CCNI: variants seen among roughly 807,000 people sequenced by gnomAD.
The protein encoded by CCNI is cyclin-I.
A neutral mutation model predicts 34.1 loss-of-function variants in CCNI; 14 were observed. The observed-to-expected ratio is 0.41, with a 90% CI of 0.27 to 0.64. The LOEUF (loss-of-function observed/expected upper bound fraction) is 0.64, where lower values mean the gene tolerates loss of function less well. CCNI is among the 30% of genes least tolerant of loss of function. The probability of loss-of-function intolerance (pLI) is 0.31; values close to 1 mark genes in which losing one functional copy is unlikely to be tolerated. For synonymous variants in CCNI, 154 were observed against 158.4 expected (o/e 0.97, Z 0.21); for missense variants, 385 against 440.5 (o/e 0.87, Z 1.13).
rs4252871 is a variant in CCNI at position 77,058,737 on chromosome 4, A to G, written c.115-102T>C. 0.015 allele frequency: 13,485 copies of G among 905,348 alleles called. 1,252 individuals are homozygous for G. The African/African-American group carries it at 0.2, about 13-fold the overall frequency. The allele number at this position is 905,348 out of a possible 1,614,324, so 56.1% of individuals were successfully genotyped here. ...AAAAGGTTAGGTAATACTACAAAAT[A>G]TATTTAAAAATGTTAAGGTTATTCA... On this transcript the variant is annotated intron_variant, in intron 2 of 6. Coordinates refer to ENST00000237654, the MANE Select transcript of CCNI (RefSeq NM_006835.3).
Position 77,048,434 on chromosome 4 carries a change from A to T in CCNI, c.919T>A (p.Tyr307Asn). ...CCACTGGCAGCTGGGAGATGATGGT[A>T]AAAGGCTGCTGTACCTCTGACTGGC... ...EVPVRGTAAF[Y>N]HHLPAASGCK... Residue 307 changes from tyrosine to asparagine, a missense_variant, in exon 7 of 7, where the codon TAC becomes AAC. Coordinates refer to ENST00000237654, the MANE Select transcript of CCNI (RefSeq NM_006835.3). 1.9e-6 allele frequency: 3 copies of T among 1,614,122 alleles called. No homozygotes were observed. The highest frequency in any genetic ancestry group is 2.5e-6 in the Non-Finnish European group (3 of 1,180,018).
At chr4:77,070,474 CTTTTTTTT>C (rs543086530) in intron 1 of CCNI, among the ~76,000 whole-genome samples, 2 of 119,168 alleles carry the variant, frequency 1.7e-5, no homozygotes. Flanking sequence ...TGGGTACTTT[CTTTTTTTT>C]TTTTTTTTTT....
At position 77,052,266 on chromosome 4, in the gene CCNI, C is replaced by T. The variant is rs1269388165; in HGVS notation, c.690+2884G>A. On this transcript the variant is annotated intron_variant, in intron 6 of 6. Transcript: ENST00000237654. The stretch of plus-strand genomic sequence containing the variant: ...CACTCAGGATAATGGCCTCCAGCTG[C>T]ATCCATGTTGCTGCAAAGGACATGA... 3.9e-5 allele frequency among the ~76,000 whole-genome samples: 6 copies of T among 152,130 alleles called. No homozygotes were observed. In the South Asian group the frequency reaches 1.0e-3, roughly 26 times the overall value.
intron 3 of CCNI, among the ~76,000 whole-genome samples, chr4:77,058,016 C>T (rs1456832435): frequency 2.6e-5 from 4 of 152,154 alleles, no homozygotes; most frequent in Non-Finnish European, 4.4e-5. Flanking sequence ...AAGAAAATTA[C>T]AGAATACTAT....
At chr4:77,066,766 A>G (rs1729063880) in intron 1 of CCNI, among the ~76,000 whole-genome samples, 2 of 152,230 alleles carry the variant, frequency 1.3e-5, no homozygotes, top group Non-Finnish European at 2.9e-5. Flanking sequence ...CTAATCAGAT[A>G]AGGACCACTA....
Position 77,055,953 on chromosome 4 carries a change from T to TA in CCNI, c.459+8dup, listed in dbSNP as rs1156573629. 2.5e-5 allele frequency: 40 copies of TA among 1,602,218 alleles called. No homozygotes were observed. The Admixed American group carries it at 6.9e-4, about 27-fold the overall frequency. Reference sequence around the variant, plus strand: ...AAATAAGAAACTAAAAGACTTCAGGTATATTTACAATATGAAGAAAATCCA... The same window carrying TA: ...AAATAAGAAACTAAAAGACTTCAGGTAATATTTACAATATGAAGAAAATCCA... On this transcript the variant is annotated intron_variant, in intron 5 of 6. Transcript: ENST00000237654.
At chr4:77,055,433 C>A in intron 5 of CCNI, 53 bp from the exon 6 acceptor site, 41 of 1,102,684 alleles carry the variant, frequency 3.7e-5, no homozygotes, top group Middle Eastern at 2.0e-4. Flanking sequence ...TGGGAAATTA[C>A]ATATAGAAAT....
intron 1 of CCNI, among the ~76,000 whole-genome samples, chr4:77,067,779 G>T (rs1424501956): frequency 7.8e-6 from 1 of 128,648 alleles, no homozygotes; most frequent in Non-Finnish European, 1.6e-5. Flanking sequence ...CACCGTGCAG[G>T]CTTCTAGGTT....
At chr4:77,072,288 A>C (rs1485870223) in intron 1 of CCNI, among the ~76,000 whole-genome samples, 1 of 151,956 alleles carries the variant, frequency 6.6e-6, no homozygotes, top group Non-Finnish European at 1.5e-5. Context: ...AACAAAGAAA[A>C]AGTAAAACGA....
intron 1 of CCNI, among the ~76,000 whole-genome samples, chr4:77,074,635 A>C (rs1427894559): frequency 1.3e-5 from 2 of 152,214 alleles, no homozygotes; most frequent in Non-Finnish European, 2.9e-5. Context: ...CAAGCCACTT[A>C]GGAGAATGCC....
chr4:77,073,331 G>A (rs1419656399), intron 1 of CCNI, among the ~76,000 whole-genome samples: 6 of 152,210 alleles, frequency 3.9e-5, no homozygotes, highest in Non-Finnish European at 8.8e-5. Flanking sequence ...AACTATTACA[G>A]ATATACATAC....
At chr4:77,060,605 C>CG in intron 2 of CCNI, among the ~76,000 whole-genome samples, 1 of 149,780 alleles carries the variant, frequency 6.7e-6, no homozygotes, top group Non-Finnish European at 1.5e-5. Context: ...ACCAGAGGTA[C>CG]GTGCCACCAG....
intron 1 of CCNI, among the ~76,000 whole-genome samples, chr4:77,071,782 A>C (rs552566311): frequency 3.3e-5 from 5 of 152,336 alleles, no homozygotes; most frequent in Non-Finnish European, 4.4e-5. Context: ...CAAAATACCA[A>C]AACTTAGGAA....
At chr4:77,059,363 G>C (rs199518016) in intron 2 of CCNI, among the ~76,000 whole-genome samples, 7 of 149,832 alleles carry the variant, frequency 4.7e-5, no homozygotes, top group African/African-American at 1.7e-4. Flanking sequence ...AAAACCGGTT[G>C]TTTATTTTGG....
intron 1 of CCNI, among the ~76,000 whole-genome samples, chr4:77,070,404 T>C (rs1401493561): frequency 1.3e-5 from 2 of 151,282 alleles, no homozygotes; most frequent in Non-Finnish European, 2.9e-5. Flanking sequence ...GGAGACTTTC[T>C]CAGGTTCCTT....
At chr4:77,060,361 C>T (rs558718401) in intron 2 of CCNI, among the ~76,000 whole-genome samples, 1 of 152,258 alleles carries the variant, frequency 6.6e-6, no homozygotes, top group South Asian at 2.1e-4. Context: ...CTAATAATGT[C>T]AGAAAAACAA....
chr4:77,070,619 C>A (rs897382310), intron 1 of CCNI, among the ~76,000 whole-genome samples: 13 of 152,070 alleles, frequency 8.5e-5, no homozygotes, highest in Admixed American at 8.5e-4. Flanking sequence ...TGCCTTGGTG[C>A]CTTTCTCAGA....
At chr4:77,074,642 T>C (rs1056613403) in intron 1 of CCNI, 2 of 152,298 alleles carry the variant, frequency 1.3e-5, no homozygotes. Context: ...CTTAGGAGAA[T>C]GCCTGGCAGA....
rs565225122 is a variant in CCNI at position 77,070,745 on chromosome 4, CT to C, written c.-43-4341del. Among the ~76,000 whole-genome samples, 763 of 152,154 alleles carry C rather than the reference CT, an allele frequency of 5.0e-3. 9 individuals carry two copies. The highest frequency in any genetic ancestry group is 5.1e-3 in the Non-Finnish European group (345 of 68,008). On this transcript the variant is annotated intron_variant, in intron 1 of 6. Transcript: ENST00000237654. ...GTGGCTCATTCCTGTAATTCCAACACTTTGGGAGGCCAAGGCAGGAGGAGCT... is the reference window on the plus strand; with the variant it reads ...GTGGCTCATTCCTGTAATTCCAACACTTGGGAGGCCAAGGCAGGAGGAGCT...
Sources: allele counts gnomAD v4.1 joint callset (sites outside exome capture counted in the v4.1 genomes callset), GRCh38; gene constraint gnomAD v4.1.1; transcripts MANE v1.5; gene names NCBI Gene and HGNC (gene_info 2026-07-23, HGNC 2026-07-21).